IQCM: variants seen among roughly 807,000 people sequenced by gnomAD.
IQCM encodes the protein IQ motif containing M.
In IQCM, 45 loss-of-function variants were observed where a neutral mutation model predicts 57.6. The ratio of observed to expected loss-of-function variants is 0.78; its 90% CI spans 0.62 to 1.00. The LOEUF (loss-of-function observed/expected upper bound fraction) is 1.00. IQCM is among the 50% of genes least tolerant of loss of function. The pLI is 0.00. For missense variants in IQCM, 468 were observed against 511.6 expected, an observed-to-expected ratio of 0.91 and a Z score of 0.82; for synonymous variants, 148 against 158.9, an observed-to-expected ratio of 0.93 and a Z score of 0.51.
intron 12 of IQCM, among the ~76,000 whole-genome samples, chr4:149,500,647 C>A (rs1471677290): frequency 6.6e-6 from 1 of 152,078 alleles, no homozygotes; most frequent in African/African-American, 2.4e-5. Flanking sequence ...ATGTTGACAT[C>A]AATCTCAAAA....
intron 13 of IQCM, among the ~76,000 whole-genome samples, chr4:149,418,063 A>G (rs1050917197): frequency 5.9e-5 from 9 of 152,004 alleles, no homozygotes; most frequent in African/African-American, 2.2e-4. Flanking sequence ...CCAAGAGCAA[A>G]CAAACCCCAA....
intron 7 of IQCM, among the ~76,000 whole-genome samples, chr4:149,659,654 C>T (rs576022390): frequency 2.0e-5 from 3 of 152,196 alleles, no homozygotes; most frequent in African/African-American, 7.2e-5. Flanking sequence ...TGGAACAGAA[C>T]AGAGCCCTCA....
chr4:149,659,335 A>G (rs1176157500), intron 7 of IQCM, among the ~76,000 whole-genome samples: 1 of 152,194 alleles, frequency 6.6e-6, no homozygotes, highest in Non-Finnish European at 1.5e-5. Context: ...AAAAGAGGAT[A>G]CAAACAAATG....
At chr4:149,564,474 G>A (rs910517503) in intron 9 of IQCM, among the ~76,000 whole-genome samples, 2 of 152,114 alleles carry the variant, frequency 1.3e-5, no homozygotes, top group African/African-American at 4.8e-5. Flanking sequence ...CAGATTGAAG[G>A]AACAAAGTAT....
At chr4:149,576,374 G>C (rs1751654437) in intron 9 of IQCM, among the ~76,000 whole-genome samples, 1 of 151,636 alleles carries the variant, frequency 6.6e-6, no homozygotes, top group South Asian at 2.1e-4. Context: ...CCAATATTTA[G>C]CTTGATTTGC....
At chr4:149,606,459 AC>A (rs1754791743) in intron 8 of IQCM, among the ~76,000 whole-genome samples, 1 of 152,158 alleles carries the variant, frequency 6.6e-6, no homozygotes, top group African/African-American at 2.4e-5. Context: ...AGCCCAAACC[AC>A]AAAGGTTGAA....
chr4:149,605,702 G>T (rs1229189099), intron 8 of IQCM, among the ~76,000 whole-genome samples: 1 of 152,110 alleles, frequency 6.6e-6, no homozygotes. Flanking sequence ...GTGCTACACT[G>T]GTCTTGGAGG....
intron 12 of IQCM, among the ~76,000 whole-genome samples, chr4:149,447,994 G>T (rs1405352680): frequency 6.6e-6 from 1 of 151,458 alleles, no homozygotes; most frequent in African/African-American, 2.4e-5. Context: ...AACCAACAAG[G>T]ATATAGAGTT....
At chr4:149,795,775 C>T (rs180880450) in intron 2 of IQCM, among the ~76,000 whole-genome samples, 260 of 152,278 alleles carry the variant, frequency 1.7e-3, no homozygotes, top group Non-Finnish European at 3.3e-3. Context: ...CTGTGAGACC[C>T]CCTTTCCAAG....
intron 4 of IQCM, among the ~76,000 whole-genome samples, chr4:149,733,931 T>C (rs1766699105): frequency 6.6e-6 from 1 of 152,142 alleles, no homozygotes; most frequent in Non-Finnish European, 1.5e-5. Context: ...CCCCCAAATC[T>C]CTTCCTTTGC....
At chr4:149,562,669 A>G (rs1250349382) in intron 10 of IQCM, among the ~76,000 whole-genome samples, 1 of 152,186 alleles carries the variant, frequency 6.6e-6, no homozygotes, top group African/African-American at 2.4e-5. Context: ...CAGCTACCTT[A>G]CAAAATTACG....
intron 8 of IQCM, among the ~76,000 whole-genome samples, chr4:149,610,544 C>T (rs1050465600): frequency 1.3e-5 from 2 of 151,782 alleles, no homozygotes; most frequent in African/African-American, 2.4e-5. Flanking sequence ...TGGAACAGAA[C>T]AGAGAAACAA....
chr4:149,651,725 T>G (rs1025255842), intron 7 of IQCM, among the ~76,000 whole-genome samples: 6 of 152,132 alleles, frequency 3.9e-5, no homozygotes, highest in African/African-American at 1.4e-4. Flanking sequence ...CTATTAATAT[T>G]TTGACTAAAC....
chr4:149,575,433 GTA>G (rs953187773), intron 9 of IQCM, among the ~76,000 whole-genome samples: 7 of 151,898 alleles, frequency 4.6e-5, no homozygotes, highest in Non-Finnish European at 8.8e-5. Context: ...AATCAGAGCA[GTA>G]TTCCTGGGAC....
At chr4:149,442,553 G>A (rs890222571) in intron 12 of IQCM, among the ~76,000 whole-genome samples, 1 of 152,018 alleles carries the variant, frequency 6.6e-6, no homozygotes, top group African/African-American at 2.4e-5. Context: ...CACTAATTAA[G>A]CTTTCTGCCA....
chr4:149,449,692 A>G (rs1579094948), intron 12 of IQCM, among the ~76,000 whole-genome samples: 1 of 151,700 alleles, frequency 6.6e-6, no homozygotes. Context: ...TAAAACAATG[A>G]TGAAAGAAAT....
chr4:149,538,903 G>T (rs1023632811), intron 12 of IQCM, among the ~76,000 whole-genome samples: 1 of 151,918 alleles, frequency 6.6e-6, no homozygotes. Flanking sequence ...GAAAAAAAAT[G>T]CTTGCAAATT....
In IQCM at chr4:149,667,140, C is replaced by T. The variant is rs576356598; in HGVS notation, c.565+14978G>A. ...CCCCATGCCTCCTGTCTGGGAGACA[C>T]CTCCCAGTAGGGGTCAACAGACAAC... On this transcript the variant is annotated intron_variant, in intron 7 of 13. Transcript: ENST00000636793. Among the ~76,000 whole-genome samples, 16 of 152,270 alleles carry T rather than the reference C, an allele frequency of 1.1e-4. No individual in the cohort carries two copies. In the South Asian group the frequency reaches 3.1e-3, roughly 30 times the overall value.
intron 2 of IQCM, among the ~76,000 whole-genome samples, chr4:149,782,120 G>C (rs919265930): frequency 4.0e-5 from 6 of 151,758 alleles, no homozygotes; most frequent in African/African-American, 1.5e-4. Context: ...TAGTCCAGAG[G>C]GGCAAATAAG....
Sources: allele counts gnomAD v4.1 joint callset (sites outside exome capture counted in the v4.1 genomes callset), GRCh38; gene constraint gnomAD v4.1.1; transcripts MANE v1.5; gene names NCBI Gene and HGNC (gene_info 2026-07-23, HGNC 2026-07-21).